The following ASCC2 variants were observed in gnomAD, a reference collection of about 807,000 sequenced individuals.
ASCC2 encodes ASC-1 complex subunit P100.
Under a neutral mutation model 93.5 loss-of-function variants are expected in ASCC2, and 42 were observed. The ratio of observed to expected loss-of-function variants is 0.45; its 90% confidence interval spans 0.35 to 0.58. ASCC2 has a LOEUF of 0.58. Ranked by LOEUF, ASCC2 falls within the 20% of genes least tolerant of loss-of-function variation. ASCC2 has a pLI of 0.00. For missense variants in ASCC2, 859 were observed against 977.6 expected, an observed-to-expected ratio of 0.88 and a Z score of 1.62; for synonymous variants, 364 against 384.2, an observed-to-expected ratio of 0.95 and a Z score of 0.62.
chr22:29,798,428 T>C (rs1363650320), intron 15 of ASCC2, among the ~76,000 whole-genome samples: 3 of 152,062 alleles, frequency 2.0e-5, no homozygotes, highest in Admixed American at 1.3e-4. Context: ...CTGGAAGCCA[T>C]AGTAGAAACA....
chr22:29,827,821 AC>A (rs1568952985), intron 2 of ASCC2, among the ~76,000 whole-genome samples: 14 of 132,440 alleles, frequency 1.1e-4, no homozygotes, highest in African/African-American at 3.6e-4. Context: ...ACACACACAC[AC>A]ACACACACAT....
intron 1 of ASCC2, chr22:29,833,589 G>T (rs1279264035): frequency 2.1e-6 from 1 of 471,086 alleles, no homozygotes; most frequent in Non-Finnish European, 4.4e-6. Context: ...TTGCTGTCCA[G>T]TGTTCTTTTC....
At chr22:29,824,146 G>A (rs772842583) in intron 4 of ASCC2, among the ~76,000 whole-genome samples, 7 of 152,040 alleles carry the variant, frequency 4.6e-5, no homozygotes, top group African/African-American at 1.4e-4. Context: ...CTATGATTGC[G>A]CCACTGCACT....
At chr22:29,819,750 G>A (rs564389604) in intron 5 of ASCC2, among the ~76,000 whole-genome samples, 1 of 152,192 alleles carries the variant, frequency 6.6e-6, no homozygotes, top group South Asian at 2.1e-4. Context: ...CTGCCCTCCT[G>A]GAATGCTCCA....
chr22:29,833,879 CTTT>C (rs539551425), intron 1 of ASCC2, among the ~76,000 whole-genome samples: 1 of 139,538 alleles, frequency 7.2e-6, no homozygotes. Flanking sequence ...TTTTCTTTTT[CTTT>C]TTTTTTTTTT....
At chr22:29,827,712 AC>A in intron 2 of ASCC2, 1 of 413,992 alleles carries the variant, frequency 2.4e-6, no homozygotes, top group Non-Finnish European at 5.1e-6. Flanking sequence ...TTGGCACTTT[AC>A]CTCTTCCCTC....
At chr22:29,817,807 T>C (rs1229741843) in intron 5 of ASCC2, among the ~76,000 whole-genome samples, 1 of 152,042 alleles carries the variant, frequency 6.6e-6, no homozygotes, top group Non-Finnish European at 1.5e-5. Context: ...CCTAAAGAAA[T>C]AATAAAAATG....
At chr22:29,792,605 A>T in intron 17 of ASCC2, 70 bp from the exon 18 acceptor site, 1 of 1,598,340 alleles carries the variant, frequency 6.3e-7, no homozygotes, top group Non-Finnish European at 8.5e-7. Flanking sequence ...AGGAGGAGGG[A>T]ACCTGGTTGG....
intron 12 of ASCC2, 34 bp downstream of exon 12, chr22:29,806,182 G>A: frequency 6.2e-7 from 1 of 1,605,300 alleles, no homozygotes; most frequent in Non-Finnish European, 8.5e-7. Flanking sequence ...AGTCAAGCTG[G>A]GCCCTGTCGT....
At chr22:29,794,858 C>G (rs2058223864) in intron 15 of ASCC2, among the ~76,000 whole-genome samples, 1 of 152,218 alleles carries the variant, frequency 6.6e-6, no homozygotes, top group South Asian at 2.1e-4. Flanking sequence ...GTTTCTATGG[C>G]CACACGCCTA....
Position 29,801,976 on chromosome 22 carries a change from C to G in ASCC2, c.1568+18G>C. 6.4e-7 allele frequency: 1 copy of G among 1,566,270 alleles called. No homozygotes were observed. Among genetic ancestry groups the G allele is most frequent in the Non-Finnish European group, 8.7e-7 (1 of 1,154,086 alleles). ...GCAGCCTGGGCAGCGGGAGCCTCCT[C>G]CCACCTGTCTCTCCCACCTGTCTAG... On this transcript the variant is annotated intron_variant, in intron 14 of 19. Transcript: ENST00000307790.
chr22:29,832,099 A>G lies in ASCC2; in HGVS notation c.81+146T>C, dbSNP rs966581938. The G allele has an allele frequency of 2.4e-5, 16 of 674,102 alleles. 1 individual carries two copies. Among genetic ancestry groups the G allele is most frequent in the Non-Finnish European group, 3.8e-5 (15 of 399,134 alleles). 41.8% of individuals were successfully genotyped at this position (674,102 alleles called of 1,614,324 possible). A position where few individuals can be genotyped will look rare whatever the true frequency, so the allele number is the denominator to read the frequency against. The stretch of plus-strand genomic sequence containing the variant: ...AAGGAAATTCCTACTCTGGGCCTGG[A>G]AGAGACTAGTAGTGTCTCAGCTACT... On this transcript the variant is annotated intron_variant, in intron 2 of 19. Coordinates refer to ENST00000307790, the MANE Select transcript of ASCC2 (RefSeq NM_032204.5).
At chr22:29,836,529 C>T (rs2063810973) in intron 1 of ASCC2, 1 of 151,910 alleles carries the variant, frequency 6.6e-6, no homozygotes, top group African/African-American at 2.4e-5. Context: ...TTTAATAAAC[C>T]ACGAGAGAGC....
intron 2 of ASCC2, among the ~76,000 whole-genome samples, chr22:29,831,998 T>G (rs2063212787): frequency 6.6e-6 from 1 of 152,128 alleles, no homozygotes; most frequent in Non-Finnish European, 1.5e-5. Flanking sequence ...TGGACTGATT[T>G]GAAATTAAAT....
Position 29,817,409 on chromosome 22 carries a change from C to T in ASCC2, c.542-1336G>A, listed in dbSNP as rs2060990832. On this transcript the variant is annotated intron_variant, in intron 5 of 19. Coordinates refer to ENST00000307790, the MANE Select transcript of ASCC2 (RefSeq NM_032204.5). ...TGCTGGTATCCCAGGCCACCCTTTC[C>T]CCCTTCCCTACACTACACTCCTCCC... 2.6e-5 allele frequency among the ~76,000 whole-genome samples: 4 copies of T among 152,248 alleles called. No homozygotes were observed. The South Asian group carries it at 8.3e-4, about 32-fold the overall frequency.
chr22:29,799,322 C>T (rs1205334859), intron 15 of ASCC2: 2 of 152,296 alleles, frequency 1.3e-5, no homozygotes, highest in Non-Finnish European at 2.9e-5. Context: ...GCCACTGATC[C>T]AGGATAACAT....
chr22:29,798,542 C>T (rs912241380), intron 15 of ASCC2, among the ~76,000 whole-genome samples: 5 of 152,332 alleles, frequency 3.3e-5, no homozygotes, highest in Admixed American at 6.5e-5. Flanking sequence ...CAAGCCTAGA[C>T]GGCCCTACCT....
In ASCC2 at chr22:29,825,728, T is replaced by A. The variant is rs2062217924; in HGVS notation, c.134A>T (p.Lys45Ile). The A allele has an allele frequency of 6.2e-7, 1 of 1,614,112 alleles. No individual in the cohort carries two copies. ...RYFVLYKPPP[K>I]DNIPALVEEY... ...CTCCACTAGGGCGGGAATGTTGTCT[T>A]TAGGGGGCGGTTTGTATAACACAAA... is the stretch of plus-strand genomic sequence containing the variant. Residue 45 changes from lysine (K) to isoleucine (I), a missense_variant, in exon 3 of 20, where the codon AAA (lysine) becomes ATA (isoleucine). Transcript: ENST00000307790. This position sits in a 1 kb window ranked among gnomAD's most constrained non-coding sequence, Gnocchi z 4.9.
At position 29,804,812 on chromosome 22, in the gene ASCC2, G is replaced by A; in HGVS notation, c.1179C>T (p.Ala393=). ...CACTCTCGACTGCCTGGAGGATGTA[G>A]GCAGTCCGCGTCTCGTCCCTGTGAG... ...ASSVLDETRT[A]YILQAVESAW... The change falls in exon 13 of 20, where the codon GCC becomes GCT. Residue 393 remains alanine (A), a synonymous_variant. Coordinates refer to ENST00000307790, the MANE Select transcript of ASCC2 (RefSeq NM_032204.5). 3 of 1,614,114 alleles carry A rather than the reference G, an allele frequency of 1.9e-6. No individual in the cohort carries two copies. The highest frequency in any genetic ancestry group is 1.1e-5 in the South Asian group (1 of 91,084).
Sources: allele counts gnomAD v4.1 joint callset (sites outside exome capture counted in the v4.1 genomes callset), GRCh38; gene constraint gnomAD v4.1.1; non-coding constraint Gnocchi (gnomAD v3.1); transcripts MANE v1.5; gene names NCBI Gene and HGNC (gene_info 2026-07-23, HGNC 2026-07-21).